ASIC2: variants seen among roughly 807,000 people sequenced by gnomAD.
The protein encoded by ASIC2 is acid sensing ion channel subunit 2.
ASIC2 carries 25 observed loss-of-function variants against 57.3 expected under a neutral mutation model. That is an observed-to-expected ratio of 0.44 (90% confidence interval 0.32 to 0.61). The LOEUF (loss-of-function observed/expected upper bound fraction) is 0.61. Among genes scored for constraint, ASIC2 ranks in the 20% least tolerant of loss-of-function variants. The probability of loss-of-function intolerance (pLI) is 0.06; values close to 1 mark genes in which losing one functional copy is unlikely to be tolerated. For synonymous variants in ASIC2, 319 were observed against 307.5 expected, an observed-to-expected ratio of 1.04 and a Z score of -0.39; for missense variants, 641 against 738.1, an observed-to-expected ratio of 0.87 and a Z score of 1.52.
intron 1 of ASIC2, among the ~76,000 whole-genome samples, chr17:33,558,081 A>AT (rs1391755619): frequency 6.6e-6 from 1 of 151,922 alleles, no homozygotes; most frequent in Non-Finnish European, 1.5e-5. Context: ...TCTATTAAAG[A>AT]TTTTTTTCTT....
chr17:33,980,955 T>TTTTTTTTTTTTTTTTTTTTTTTTTTTG (rs1905597087), intron 1 of ASIC2: 1 of 149,206 alleles, frequency 6.7e-6, no homozygotes, highest in Non-Finnish European at 1.5e-5. Flanking sequence ...TTTTTTTTTT[T>TTTTTTTTTTTTTTTTTTTTTTTTTTTG]AGACAGAATC....
At chr17:33,184,402 C>T (rs946728486) in intron 1 of ASIC2, among the ~76,000 whole-genome samples, 9 of 152,102 alleles carry the variant, frequency 5.9e-5, no homozygotes, top group Admixed American at 1.3e-4. Context: ...CTGAAAACAC[C>T]GCCACCTGAG....
intron 1 of ASIC2, among the ~76,000 whole-genome samples, chr17:33,416,848 G>A (rs28555176): frequency 2.6e-5 from 4 of 152,028 alleles, no homozygotes; most frequent in Non-Finnish European, 4.4e-5. Flanking sequence ...CCGCTCATCT[G>A]TGAAAGGTCC....
intron 1 of ASIC2, among the ~76,000 whole-genome samples, chr17:33,332,973 T>C (rs1240268780): frequency 6.6e-6 from 1 of 152,188 alleles, no homozygotes. Flanking sequence ...CCTTCTCTCA[T>C]TGAATTTTTC....
At chr17:33,136,244 T>C (rs1055853759) in intron 1 of ASIC2, among the ~76,000 whole-genome samples, 2 of 152,254 alleles carry the variant, frequency 1.3e-5, no homozygotes, top group Non-Finnish European at 2.9e-5. Context: ...ATTCCACACA[T>C]ATTTACTGAG....
intron 1 of ASIC2, among the ~76,000 whole-genome samples, chr17:34,095,620 T>TAC (rs920900787): frequency 5.1e-5 from 4 of 78,178 alleles, no homozygotes; most frequent in Non-Finnish European, 8.8e-5. Flanking sequence ...TATATATATA[T>TAC]ATATATATAA....
intron 1 of ASIC2, among the ~76,000 whole-genome samples, chr17:33,516,773 T>C (rs141032260): frequency 8.5e-5 from 13 of 152,302 alleles, no homozygotes; most frequent in African/African-American, 2.9e-4. Flanking sequence ...GGAGTCCCTG[T>C]CTCTGGGACA....
chr17:34,036,292 T>C (rs1383763457), intron 1 of ASIC2, among the ~76,000 whole-genome samples: 6 of 145,604 alleles, frequency 4.1e-5, no homozygotes, highest in African/African-American at 1.5e-4. Context: ...AAACATCGCA[T>C]GTTCTCACTC....
intron 1 of ASIC2, among the ~76,000 whole-genome samples, chr17:33,827,526 A>G (rs1422416322): frequency 1.4e-5 from 2 of 139,174 alleles, no homozygotes; most frequent in Admixed American, 1.4e-4. Flanking sequence ...TTGTATTTTT[A>G]GTAAAGATGG....
chr17:33,987,180 GA>G (rs1246258971), intron 1 of ASIC2, among the ~76,000 whole-genome samples: 2 of 152,228 alleles, frequency 1.3e-5, no homozygotes, highest in East Asian at 3.9e-4. Context: ...ACTTAGGCCA[GA>G]ATCAGGGGAA....
At chr17:33,353,108 G>T (rs1305305664) in intron 1 of ASIC2, among the ~76,000 whole-genome samples, 1 of 152,144 alleles carries the variant, frequency 6.6e-6, no homozygotes, top group Admixed American at 6.5e-5. Context: ...TTCAATAATT[G>T]TATTGTGATT....
intron 1 of ASIC2, among the ~76,000 whole-genome samples, chr17:33,177,894 C>T (rs147795438): frequency 6.2e-4 from 95 of 152,274 alleles, no homozygotes; most frequent in African/African-American, 2.3e-3. Context: ...GGAGACCAGT[C>T]TAGTTCCTGA....
chr17:33,648,880 G>T (rs1906832523), intron 1 of ASIC2, among the ~76,000 whole-genome samples: 1 of 152,176 alleles, frequency 6.6e-6, no homozygotes, highest in African/African-American at 2.4e-5. Flanking sequence ...CATTTATGAT[G>T]TTAAAACTTC....
chr17:33,152,257 T>C (rs150390950), intron 1 of ASIC2, among the ~76,000 whole-genome samples: 73 of 152,138 alleles, frequency 4.8e-4, no homozygotes, highest in African/African-American at 1.6e-3. Context: ...CACAATGTGG[T>C]TGGTCTATGG....
chr17:33,045,491 C>T (rs536014127), intron 3 of ASIC2, among the ~76,000 whole-genome samples: 1 of 152,264 alleles, frequency 6.6e-6, no homozygotes, highest in South Asian at 2.1e-4. Flanking sequence ...GACTCACCCA[C>T]AGGAAGGAGC....
intron 1 of ASIC2, among the ~76,000 whole-genome samples, chr17:33,496,603 GTTTTTTTT>G (rs61267122): frequency 1.8e-4 from 13 of 70,998 alleles, no homozygotes; most frequent in Admixed American, 7.5e-4. Context: ...GTTATTGTAG[GTTTTTTTT>G]TTTTTTTTTT....
intron 1 of ASIC2, among the ~76,000 whole-genome samples, chr17:33,951,808 G>A (rs1002444478): frequency 2.7e-5 from 4 of 150,586 alleles, no homozygotes; most frequent in African/African-American, 7.3e-5. Flanking sequence ...TGGCCAGGCT[G>A]GTCTTGAACT....
At chr17:33,643,502 A>C (rs1429951510) in intron 1 of ASIC2, among the ~76,000 whole-genome samples, 2 of 152,138 alleles carry the variant, frequency 1.3e-5, no homozygotes, top group African/African-American at 4.8e-5. Flanking sequence ...GTGTTAGTGA[A>C]CTCTGTGACT....
chr17:33,605,684 A>C (rs956098555), intron 1 of ASIC2, among the ~76,000 whole-genome samples: 4 of 152,222 alleles, frequency 2.6e-5, no homozygotes, highest in Admixed American at 6.5e-5. Context: ...TCTGATTTGC[A>C]TGTAGTAAAA....
Sources: allele counts gnomAD v4.1 joint callset (sites outside exome capture counted in the v4.1 genomes callset), GRCh38; gene constraint gnomAD v4.1.1; transcripts MANE v1.5; gene names NCBI Gene and HGNC (gene_info 2026-07-23, HGNC 2026-07-21).